The following HEBP2 variants were observed in gnomAD, a reference collection of about 807,000 sequenced individuals.
HEBP2 encodes the protein heme binding protein 2.
In HEBP2, 27 loss-of-function variants were observed where a neutral mutation model predicts 23.1. The observed-to-expected ratio is 1.17, with a 90% confidence interval of 0.86 to 1.61. The LOEUF is 1.61. Ranked by LOEUF, HEBP2 falls within the 40% of genes most tolerant of loss-of-function variation. The pLI, the probability that HEBP2 is intolerant of heterozygous loss-of-function variation, is 0.00. For synonymous variants in HEBP2, 99 were observed against 95.1 expected, an observed-to-expected ratio of 1.04 and a Z score of -0.24; for missense variants, 245 against 253.8, an observed-to-expected ratio of 0.97 and a Z score of 0.24.
chr6:138,410,496 T>C (rs957485117), intron 3 of HEBP2, among the ~76,000 whole-genome samples: 16 of 144,820 alleles, frequency 1.1e-4, no homozygotes, highest in Non-Finnish European at 1.8e-4. Context: ...TTTTTTTTTT[T>C]CTGAGATGGA....
At chr6:138,408,663 T>C (rs1774691062) in intron 3 of HEBP2, among the ~76,000 whole-genome samples, 1 of 152,202 alleles carries the variant, frequency 6.6e-6, no homozygotes, top group African/African-American at 2.4e-5. Context: ...CCTTAATACT[T>C]GCTTATCCTT....
At position 138,415,549 on chromosome 6, in the gene HEBP2, G is replaced by A. The variant is rs1774828367; in HGVS notation, c.*2471G>A. On this transcript the variant is annotated 3_prime_UTR_variant, in exon 4 of 4. Coordinates refer to ENST00000607197, the MANE Select transcript of HEBP2 (RefSeq NM_014320.3). ...GAGTTGGATTGACGTCCTGCAAGTG[G>A]ATAATGAAAAGCTGAGGTCAATTAA... The A allele has an allele frequency of 6.6e-6, 1 of 152,156 alleles. No homozygotes were observed. The highest frequency in any genetic ancestry group is 2.4e-5 in the African/African-American group (1 of 41,406). The allele number at this position is 152,156 out of a possible 1,614,324, so 9.4% of individuals were successfully genotyped here. A position where few individuals can be genotyped will look rare whatever the true frequency, so the allele number is the denominator to read the frequency against.
Position 138,415,009 on chromosome 6 carries a change from T to G in HEBP2, c.*1931T>G, listed in dbSNP as rs1177854120. On this transcript the variant is annotated 3_prime_UTR_variant, in exon 4 of 4. Coordinates refer to ENST00000607197, the MANE Select transcript of HEBP2 (RefSeq NM_014320.3). ...TTGCAGTGAGTCCTGATCATGCCAC[T>G]GCACTCCAGCCTGGGTGACAGAGCA... is the stretch of plus-strand genomic sequence containing the variant. 1 of 152,086 alleles carries G rather than the reference T, an allele frequency of 6.6e-6. No individual in the cohort carries two copies. The highest frequency in any genetic ancestry group is 2.4e-5 in the African/African-American group (1 of 41,362). 9.4% of individuals were successfully genotyped at this position (152,086 alleles called of 1,614,324 possible). A position where few individuals can be genotyped will look rare whatever the true frequency, so the allele number is the denominator to read the frequency against.
chr6:138,411,953 CAA>C (rs1378522519), intron 3 of HEBP2: 1 of 365,942 alleles, frequency 2.7e-6, no homozygotes, highest in Non-Finnish European at 5.3e-6. Flanking sequence ...AAAAAACAAA[CAA>C]ACAAAAAAAC....
rs1583107390 is a variant in HEBP2 at position 138,415,327 on chromosome 6, G to A, written c.*2249G>A. 2.6e-5 allele frequency: 4 copies of A among 152,256 alleles called. No individual in the cohort carries two copies. Among genetic ancestry groups the A allele is most frequent in the Admixed American group, 2.6e-4 (4 of 15,288 alleles). 9.4% of individuals were successfully genotyped at this position (152,256 alleles called of 1,614,324 possible). ...GGCTGAGTGACTCACTGTCTGGCTG[G>A]CTCGGAGGCCCCCATCCCTGGTGGA... On this transcript the variant is annotated 3_prime_UTR_variant, in exon 4 of 4. Coordinates refer to ENST00000607197, the MANE Select transcript of HEBP2 (RefSeq NM_014320.3).
At chr6:138,408,297 A>G (rs1045426533) in intron 3 of HEBP2, among the ~76,000 whole-genome samples, 15 of 152,356 alleles carry the variant, frequency 9.8e-5, no homozygotes, top group African/African-American at 3.4e-4. Flanking sequence ...GTATTTTACT[A>G]TCAAGAGAAG....
rs565764310 is a variant in HEBP2, at chr6:138,420,425, C to T, written c.*7347C>T. On this transcript the variant is annotated 3_prime_UTR_variant, in exon 4 of 4. Transcript: ENST00000607197. ...TGGATCCACATAGGCAAGGGGTGGA[C>T]CATGGCAGGCATAGAGCGGTGCCAC... 1 of 152,318 alleles carries T rather than the reference C, an allele frequency of 6.6e-6. No homozygotes were observed. Among genetic ancestry groups the T allele is most frequent in the East Asian group, 1.9e-4 (1 of 5,186 alleles). 9.4% of individuals were successfully genotyped at this position (152,318 alleles called of 1,614,324 possible). A position where few individuals can be genotyped will look rare whatever the true frequency, so the allele number is the denominator to read the frequency against.
chr6:138,410,741 T>G (rs1774731745), intron 3 of HEBP2, among the ~76,000 whole-genome samples: 1 of 152,186 alleles, frequency 6.6e-6, no homozygotes, highest in Non-Finnish European at 1.5e-5. Context: ...CCGCCTTGGC[T>G]TCTCAAAGTG....
chr6:138,403,645 GA>G, upstream of HEBP2: 1 of 436,094 alleles, frequency 2.3e-6, no homozygotes, highest in Non-Finnish European at 4.1e-6. Context: ...CTGGCCGGCG[GA>G]AAGGGGGTGC....
chr6:138,411,794 C>T (rs2114772062), intron 3 of HEBP2, among the ~76,000 whole-genome samples: 2 of 152,302 alleles, frequency 1.3e-5, no homozygotes, highest in South Asian at 4.1e-4. Context: ...CCTGTCTCTA[C>T]AGGTTTTTTA....
intron 3 of HEBP2, among the ~76,000 whole-genome samples, chr6:138,409,943 A>G (rs150114626): frequency 8.7e-4 from 133 of 152,338 alleles, no homozygotes; most frequent in African/African-American, 3.1e-3. Context: ...TAGGGTTGCC[A>G]TGAAGATCGG....
upstream of HEBP2, chr6:138,403,633 G>A: frequency 2.3e-6 from 1 of 433,822 alleles, no homozygotes; most frequent in Non-Finnish European, 4.1e-6. Flanking sequence ...CGCGGAGTCG[G>A]CCTGGCCGGC....
chr6:138,414,680 A>G lies in HEBP2; in HGVS notation c.*1602A>G, dbSNP rs1416539618. 1 of 152,292 alleles carries G rather than the reference A, an allele frequency of 6.6e-6. No homozygotes were observed. Among genetic ancestry groups the G allele is most frequent in the Non-Finnish European group, 1.5e-5 (1 of 68,116 alleles). The allele number at this position is 152,292 out of a possible 1,614,324, so 9.4% of individuals were successfully genotyped here. On this transcript the variant is annotated 3_prime_UTR_variant, in exon 4 of 4. Transcript: ENST00000607197. ...TCTGTGGGAGAGAGGGACCTAGTCT[A>G]CAACTGAGCAAGGCAGTGGTAGCTG...
upstream of HEBP2, among the ~76,000 whole-genome samples, chr6:138,404,062 C>A (rs1774584791): frequency 6.6e-6 from 1 of 151,972 alleles, no homozygotes; most frequent in Non-Finnish European, 1.5e-5. Context: ...CGGTTCCCAG[C>A]GCGGGCGGGG....
At chr6:138,412,221 C>T (rs947308430) in intron 3 of HEBP2, 7 of 349,102 alleles carry the variant, frequency 2.0e-5, no homozygotes, top group African/African-American at 1.3e-4. Context: ...CAGGCCCCAC[C>T]CCAGACCTGA....
chr6:138,405,510 G>A (rs899685791), intron 2 of HEBP2, among the ~76,000 whole-genome samples: 6 of 152,150 alleles, frequency 3.9e-5, no homozygotes, highest in Non-Finnish European at 5.9e-5. Context: ...TGTAACTCGT[G>A]ATAAGTCCTT....
rs1774795979 is a variant in HEBP2 at position 138,413,847 on chromosome 6, T to TC, written c.*771dup. The TC allele has an allele frequency of 6.6e-6, 1 of 151,610 alleles. No homozygotes were observed. The highest frequency in any genetic ancestry group is 2.4e-5 in the African/African-American group (1 of 41,384). 9.4% of individuals were successfully genotyped at this position (151,610 alleles called of 1,614,324 possible). The stretch of plus-strand genomic sequence containing the variant: ...CATCACTGACTTCCTCTTCACTAAC[T>TC]CCAACAACATCTTTCCACCTCCTTA... On this transcript the variant is annotated 3_prime_UTR_variant, in exon 4 of 4. Coordinates refer to ENST00000607197, the MANE Select transcript of HEBP2 (RefSeq NM_014320.3).
rs1199651135 is a variant in HEBP2, at chr6:138,422,133, G to A, written c.*9055G>A. 2 of 152,084 alleles carry A rather than the reference G, an allele frequency of 1.3e-5. No homozygotes were observed. The highest frequency in any genetic ancestry group is 2.9e-5 in the Non-Finnish European group (2 of 68,018). The allele number at this position is 152,084 out of a possible 1,614,324, so 9.4% of individuals were successfully genotyped here. On this transcript the variant is annotated 3_prime_UTR_variant, in exon 4 of 4. Transcript: ENST00000607197. ...GGATTTAAAAATAGTTTTATAATTA[G>A]TGTTATGTTGCTTTATCTTATCTTT...
In HEBP2 at chr6:138,421,281, T is replaced by A. The variant is rs1774924906; in HGVS notation, c.*8203T>A. 2 of 152,018 alleles carry A rather than the reference T, an allele frequency of 1.3e-5. No individual in the cohort carries two copies. The highest frequency in any genetic ancestry group is 1.3e-4 in the Admixed American group (2 of 15,268). The allele number at this position is 152,018 out of a possible 1,614,324, so 9.4% of individuals were successfully genotyped here. ...ACCAAGAAAGCCACTCTTTCCCCTC[T>A]CCTCCTAAGATGCCACCACAGAGCA... On this transcript the variant is annotated 3_prime_UTR_variant, in exon 4 of 4. Transcript: ENST00000607197.
Sources: gnomAD v4.1 joint callset for allele counts (sites outside exome capture counted in the v4.1 genomes callset) on GRCh38, gnomAD v4.1.1 for gene constraint, MANE v1.5 for transcripts, NCBI Gene and HGNC (gene_info 2026-07-23, HGNC 2026-07-21) for gene names.